Variants in GALNT13 observed in about 807,000 individuals in gnomAD.
GALNT13 encodes the protein UDP-GalNAc:polypeptide N-acetylgalactosaminyltransferase 13.
GALNT13 carries 28 observed loss-of-function variants against 64.2 expected under a neutral mutation model. That is an observed-to-expected ratio of 0.44 (90% confidence interval 0.32 to 0.60). GALNT13 has a LOEUF of 0.60. Among genes scored for constraint, GALNT13 ranks in the 20% least tolerant of loss-of-function variants. The pLI is 0.05. For synonymous variants in GALNT13, 214 were observed against 224.6 expected (o/e 0.95, Z 0.42); for missense variants, 577 against 669.8 (o/e 0.86, Z 1.53).
At chr2:153,265,272 T>C in the GALNT13 span, among the ~76,000 whole-genome samples, 1 of 152,190 alleles carries the variant, frequency 6.6e-6, no homozygotes, top group African/African-American at 2.4e-5. Context: ...TTTTGTGGCC[T>C]AGACAGCCTT....
At chr2:154,025,589 T>C (rs571640247) in intron 3 of GALNT13, among the ~76,000 whole-genome samples, 1 of 152,332 alleles carries the variant, frequency 6.6e-6, no homozygotes, top group South Asian at 2.1e-4. Context: ...GTTGTTCTAT[T>C]TATAATCATT....
intron 4 of GALNT13, among the ~76,000 whole-genome samples, chr2:154,210,688 A>C (rs1344422074): frequency 6.6e-6 from 1 of 152,212 alleles, no homozygotes. Context: ...TCATAATTTA[A>C]TTTTTAAAAT....
the GALNT13 span, among the ~76,000 whole-genome samples, chr2:153,748,839 C>CT: frequency 2.0e-4 from 30 of 151,680 alleles, no homozygotes; most frequent in African/African-American, 6.0e-4. Context: ...ATTCAAGAAA[C>CT]TTTTTCCACC....
chr2:153,238,868 T>G, the GALNT13 span, among the ~76,000 whole-genome samples: 3 of 152,134 alleles, frequency 2.0e-5, no homozygotes, highest in Non-Finnish European at 4.4e-5. Flanking sequence ...GCTTTTTCTA[T>G]TGCTGTGAAG....
chr2:154,206,356 G>T (rs57356832), intron 4 of GALNT13, among the ~76,000 whole-genome samples: 55,596 of 151,052 alleles, frequency 0.37, 11,693 homozygotes, highest in Admixed American at 0.5. Flanking sequence ...TATATATATA[G>T]AGAGAGAGAT....
At chr2:153,352,461 G>T in the GALNT13 span, among the ~76,000 whole-genome samples, 2 of 152,026 alleles carry the variant, frequency 1.3e-5, no homozygotes, top group South Asian at 4.1e-4. Context: ...ATTTAATAAA[G>T]CTCAGTCTCT....
the GALNT13 span, among the ~76,000 whole-genome samples, chr2:153,535,919 G>T: frequency 3.3e-5 from 5 of 152,116 alleles, no homozygotes; most frequent in African/African-American, 1.2e-4. Flanking sequence ...AGAAATGACT[G>T]CAGTGGCCTT....
chr2:153,781,712 A>G, the GALNT13 span, among the ~76,000 whole-genome samples: 2 of 152,152 alleles, frequency 1.3e-5, no homozygotes, highest in Admixed American at 1.3e-4. Context: ...AAAAAAAACT[A>G]AATGTAGCAG....
At chr2:153,238,477 GT>G in the GALNT13 span, among the ~76,000 whole-genome samples, 228 of 152,124 alleles carry the variant, frequency 1.5e-3, no homozygotes, top group African/African-American at 5.4e-3. Flanking sequence ...TTAGATTTAA[GT>G]CTTTAATCCA....
the GALNT13 span, among the ~76,000 whole-genome samples, chr2:153,399,824 G>A: frequency 5.3e-5 from 8 of 152,040 alleles, no homozygotes; most frequent in African/African-American, 1.4e-4. Flanking sequence ...GAGATTTTGG[G>A]CTGAGACAAT....
intron 3 of GALNT13, among the ~76,000 whole-genome samples, chr2:154,111,472 T>C (rs1459615071): frequency 6.6e-6 from 1 of 152,240 alleles, no homozygotes; most frequent in African/African-American, 2.4e-5. Context: ...CCTGTTGACC[T>C]AAAGGTAGGA....
chr2:153,096,945 C>T, the GALNT13 span, among the ~76,000 whole-genome samples: 3 of 151,972 alleles, frequency 2.0e-5, no homozygotes, highest in Non-Finnish European at 4.4e-5. Context: ...TCTTTTCCTT[C>T]TTTCATTTAT....
At chr2:154,296,146 C>A (rs1457669907) in intron 8 of GALNT13, among the ~76,000 whole-genome samples, 2 of 152,104 alleles carry the variant, frequency 1.3e-5, no homozygotes, top group Non-Finnish European at 1.5e-5. Context: ...CTATAGAGCC[C>A]AGAAATGACT....
At chr2:153,813,777 A>G in the GALNT13 span, among the ~76,000 whole-genome samples, 1 of 152,232 alleles carries the variant, frequency 6.6e-6, no homozygotes, top group Non-Finnish European at 1.5e-5. Context: ...GCACAATACC[A>G]TATCATGACT....
chr2:154,437,787 G>T (rs1163001830), intron 11 of GALNT13: 1 of 359,758 alleles, frequency 2.8e-6, no homozygotes, highest in African/African-American at 2.2e-5. Flanking sequence ...TCCGGGAGGC[G>T]GAGGTTGCAG....
chr2:153,347,015 CT>C, the GALNT13 span, among the ~76,000 whole-genome samples: 1 of 152,174 alleles, frequency 6.6e-6, no homozygotes, highest in Non-Finnish European at 1.5e-5. Flanking sequence ...AAAGCTTTTC[CT>C]TTTCTTTATC....
chr2:153,525,280 C>T, the GALNT13 span, among the ~76,000 whole-genome samples: 1 of 152,188 alleles, frequency 6.6e-6, no homozygotes, highest in Non-Finnish European at 1.5e-5. Flanking sequence ...TCAGGCAAGA[C>T]TCAGACTTAC....
At chr2:153,353,929 G>A in the GALNT13 span, among the ~76,000 whole-genome samples, 1 of 152,216 alleles carries the variant, frequency 6.6e-6, no homozygotes, top group African/African-American at 2.4e-5. Flanking sequence ...GGGTTATAGA[G>A]TATTCCTTCA....
rs1323770014 is a variant in GALNT13 at position 153,900,987 on chromosome 2, A to C, written c.-125A>C. 6.6e-6 allele frequency: 1 copy of C among 152,138 alleles called. No homozygotes were observed. Among genetic ancestry groups the C allele is most frequent in the Non-Finnish European group, 1.5e-5 (1 of 68,020 alleles). The allele number at this position is 152,138 out of a possible 1,614,324, so 9.4% of individuals were successfully genotyped here. On this transcript the variant is annotated 5_prime_UTR_variant, in exon 2 of 13. Coordinates refer to ENST00000392825, the MANE Select transcript of GALNT13 (RefSeq NM_052917.4). ...GATGAATGTTTGCAAATCATTTTGA[A>C]ATTGCCAAGTGCCACATACAGTAAG...
Sources: allele counts gnomAD v4.1 joint callset (sites outside exome capture counted in the v4.1 genomes callset), GRCh38; gene constraint gnomAD v4.1.1; transcripts MANE v1.5; gene names NCBI Gene and HGNC (gene_info 2026-07-23, HGNC 2026-07-21).